Variants in RBFOX1 observed in about 807,000 individuals in gnomAD.
RBFOX1 encodes RNA binding fox-1 homolog 1, also known as RNA binding protein fox-1 homolog 1.
A neutral mutation model predicts 57.7 loss-of-function variants in RBFOX1; 8 were observed. The observed-to-expected ratio is 0.14, with a 90% CI of 0.08 to 0.25. The LOEUF (loss-of-function observed/expected upper bound fraction) is 0.25, where lower values mean the gene tolerates loss of function less well. Ranked by LOEUF, RBFOX1 falls within the 10% of genes least tolerant of loss-of-function variation. The pLI, the probability that RBFOX1 is intolerant of heterozygous loss-of-function variation, is 1.00. For missense variants in RBFOX1, 611 were observed against 548.5 expected (o/e 1.11, Z -1.14); for synonymous variants, 326 against 222.4 (o/e 1.47, Z -4.15).
At chr16:6,935,710 G>A (rs1371521070) in intron 3 of RBFOX1, among the ~76,000 whole-genome samples, 3 of 152,216 alleles carry the variant, frequency 2.0e-5, no homozygotes, top group Non-Finnish European at 4.4e-5. Flanking sequence ...GAGAATCAGT[G>A]TGGCAGCTAA....
chr16:6,190,240 C>A (rs909374547), intron 1 of RBFOX1, among the ~76,000 whole-genome samples: 3 of 152,194 alleles, frequency 2.0e-5, no homozygotes, highest in African/African-American at 7.2e-5. Context: ...ATTTGAATGA[C>A]TCCATTTTGG....
chr16:6,924,605 G>A (rs1185747160), intron 3 of RBFOX1, among the ~76,000 whole-genome samples: 1 of 151,900 alleles, frequency 6.6e-6, no homozygotes, highest in East Asian at 1.9e-4. Flanking sequence ...TTCTTCACCT[G>A]CAAAATAATG....
At chr16:6,706,773 G>C (rs929622628) in intron 3 of RBFOX1, among the ~76,000 whole-genome samples, 5 of 150,032 alleles carry the variant, frequency 3.3e-5, no homozygotes, top group African/African-American at 1.2e-4. Flanking sequence ...CATACGGCCA[G>C]AGCTGACATA....
chr16:6,267,753 C>T (rs996744566), intron 1 of RBFOX1, among the ~76,000 whole-genome samples: 1 of 152,068 alleles, frequency 6.6e-6, no homozygotes, highest in Non-Finnish European at 1.5e-5. Context: ...GTACAAGTCG[C>T]TTAGATTTAC....
intron 3 of RBFOX1, among the ~76,000 whole-genome samples, chr16:6,785,418 C>T (rs1210455010): frequency 2.0e-5 from 3 of 152,088 alleles, no homozygotes; most frequent in Non-Finnish European, 4.4e-5. Flanking sequence ...TGTTTTTAGG[C>T]TGGGCAAAAC....
At chr16:5,538,441 G>C (rs1034599654) in intron 2 of RBFOX1, among the ~76,000 whole-genome samples, 2 of 152,090 alleles carry the variant, frequency 1.3e-5, no homozygotes, top group Non-Finnish European at 2.9e-5. Flanking sequence ...GAAGACTAAG[G>C]CTTTTAGACG....
At chr16:6,986,990 A>C (rs529283922) in intron 3 of RBFOX1, among the ~76,000 whole-genome samples, 1 of 152,176 alleles carries the variant, frequency 6.6e-6, no homozygotes, top group South Asian at 2.1e-4. Flanking sequence ...TGTGTTTGCC[A>C]GGGTTTGTTG....
intron 1 of RBFOX1, among the ~76,000 whole-genome samples, chr16:5,319,057 G>C (rs973768020): frequency 2.0e-5 from 3 of 152,160 alleles, no homozygotes; most frequent in African/African-American, 7.2e-5. Context: ...AACCTGGCAG[G>C]TGGAGGTTGC....
intron 3 of RBFOX1, among the ~76,000 whole-genome samples, chr16:7,001,925 G>C (rs185755131): frequency 6.6e-6 from 1 of 152,132 alleles, no homozygotes; most frequent in Non-Finnish European, 1.5e-5. Context: ...TAGAAGATCA[G>C]TTCTACTTTT....
chr16:7,112,575 A>G (rs1020306455), intron 4 of RBFOX1, among the ~76,000 whole-genome samples: 12 of 152,038 alleles, frequency 7.9e-5, no homozygotes, highest in African/African-American at 2.9e-4. Flanking sequence ...TTCAGAACCT[A>G]TAATAGCTCC....
At chr16:5,959,337 A>G (rs1375359655) in intron 4 of RBFOX1, among the ~76,000 whole-genome samples, 1 of 152,140 alleles carries the variant, frequency 6.6e-6, no homozygotes, top group Non-Finnish European at 1.5e-5. Flanking sequence ...TGAATCTCTC[A>G]GTTGTCTGTC....
chr16:5,903,799 G>A (rs778628552), intron 4 of RBFOX1, among the ~76,000 whole-genome samples: 1 of 152,146 alleles, frequency 6.6e-6, no homozygotes, highest in Non-Finnish European at 1.5e-5. Flanking sequence ...CCCCAGGAAG[G>A]ATGCATCCCC....
At chr16:6,868,595 C>T (rs2060336996) in intron 3 of RBFOX1, among the ~76,000 whole-genome samples, 1 of 152,064 alleles carries the variant, frequency 6.6e-6, no homozygotes, top group Non-Finnish European at 1.5e-5. Context: ...CTTTAGCGTC[C>T]TGAGTAGCTG....
intron 5 of RBFOX1, among the ~76,000 whole-genome samples, chr16:7,519,959 C>T (rs886445671): frequency 2.6e-5 from 4 of 152,130 alleles, no homozygotes; most frequent in Non-Finnish European, 5.9e-5. Flanking sequence ...GATCTCGGCT[C>T]ACTGCAAGCT....
chr16:6,377,308 G>T (rs550708625), intron 2 of RBFOX1, among the ~76,000 whole-genome samples: 15 of 151,410 alleles, frequency 9.9e-5, no homozygotes, highest in Non-Finnish European at 1.8e-4. Flanking sequence ...AAAAAAAAAG[G>T]TATCAGTCCC....
At chr16:7,567,935 T>C (rs2092296423) in intron 5 of RBFOX1, among the ~76,000 whole-genome samples, 1 of 150,754 alleles carries the variant, frequency 6.6e-6, no homozygotes, top group South Asian at 2.1e-4. Flanking sequence ...ATACCTAAAA[T>C]TAAAGCTGGA....
At chr16:5,866,676 A>C (rs1326670577) in intron 3 of RBFOX1, among the ~76,000 whole-genome samples, 3 of 152,216 alleles carry the variant, frequency 2.0e-5, no homozygotes, top group Non-Finnish European at 4.4e-5. Context: ...CTAATTTCTT[A>C]TGCTTAATAA....
Position 5,724,024 on chromosome 16 carries a change from A to G in RBFOX1, c.318+125063A>G, listed in dbSNP as rs199654754. Among the ~76,000 whole-genome samples, 42 of 152,100 alleles carry G rather than the reference A, an allele frequency of 2.8e-4. No individual in the cohort carries two copies. The East Asian group carries it at 6.0e-3, about 22-fold the overall frequency. ...GGTGTATAGCTCCCTATGTTAGCAA[A>G]CCATTTGTGTGTCCGTGTGTGTGCA... On this transcript the variant is annotated intron_variant, in intron 3 of 19. Coordinates refer to the RBFOX1 transcript ENST00000641259.
chr16:5,245,115 A>G (rs1287473532), intron 1 of RBFOX1, among the ~76,000 whole-genome samples: 1 of 152,108 alleles, frequency 6.6e-6, no homozygotes, highest in Non-Finnish European at 1.5e-5. Context: ...AAGGTACAGG[A>G]TGAGTTGGAG....
Sources: allele counts gnomAD v4.1 joint callset (sites outside exome capture counted in the v4.1 genomes callset), GRCh38; gene constraint gnomAD v4.1.1; transcripts MANE v1.5; gene names NCBI Gene and HGNC (gene_info 2026-07-23, HGNC 2026-07-21).